CNTNAP2: variants seen among roughly 807,000 people sequenced by gnomAD.
CNTNAP2 encodes contactin-associated protein-like 2.
A neutral mutation model predicts 155.2 loss-of-function variants in CNTNAP2; 98 were observed. The observed-to-expected ratio is 0.63, with a 90% CI of 0.54 to 0.75. CNTNAP2 has a LOEUF of 0.75. Ranked by LOEUF, CNTNAP2 falls within the 30% of genes least tolerant of loss-of-function variation. The pLI, the probability that CNTNAP2 is intolerant of heterozygous loss-of-function variation, is 0.00. For synonymous variants in CNTNAP2, 651 were observed against 631.2 expected (o/e 1.03, Z -0.47); for missense variants, 1,727 against 1,688.1 (o/e 1.02, Z -0.40).
intron 10 of CNTNAP2, among the ~76,000 whole-genome samples, chr7:147,447,540 C>T (rs541434183): frequency 2.0e-5 from 3 of 152,196 alleles, no homozygotes; most frequent in Admixed American, 6.5e-5. Context: ...CTCAGCCTCC[C>T]CAAGTAGCTA....
At chr7:148,100,042 T>C (rs1804063674) in intron 15 of CNTNAP2, among the ~76,000 whole-genome samples, 1 of 151,958 alleles carries the variant, frequency 6.6e-6, no homozygotes, top group African/African-American at 2.4e-5. Flanking sequence ...TGGCTAATTT[T>C]TGTATTTTTA....
intron 10 of CNTNAP2, among the ~76,000 whole-genome samples, chr7:147,437,197 T>C (rs946378265): frequency 6.6e-6 from 1 of 152,046 alleles, no homozygotes; most frequent in Non-Finnish European, 1.5e-5. Context: ...ATCTAATTCC[T>C]ACATTTATGA....
chr7:147,571,257 C>T (rs1458612873), intron 12 of CNTNAP2, among the ~76,000 whole-genome samples: 1 of 139,912 alleles, frequency 7.1e-6, no homozygotes. Flanking sequence ...TCTCCTAATG[C>T]TATCCCTCCC....
intron 9 of CNTNAP2, among the ~76,000 whole-genome samples, chr7:147,306,048 A>G (rs941943063): frequency 6.6e-6 from 1 of 152,176 alleles, no homozygotes. Flanking sequence ...CATCCTAATC[A>G]TTATCACCTC....
intron 18 of CNTNAP2, among the ~76,000 whole-genome samples, chr7:148,175,497 T>C (rs1275005018): frequency 6.6e-6 from 1 of 152,174 alleles, no homozygotes; most frequent in Admixed American, 6.5e-5. Context: ...CTCAATACAT[T>C]TAACAATGCA....
intron 13 of CNTNAP2, among the ~76,000 whole-genome samples, chr7:147,741,297 T>G (rs1796951866): frequency 1.3e-5 from 2 of 152,322 alleles, no homozygotes; most frequent in South Asian, 4.1e-4. Flanking sequence ...TGTACTTGCC[T>G]GACCACAAAG....
chr7:146,477,624 A>AACACACACACACAC (rs1162610079), intron 1 of CNTNAP2, among the ~76,000 whole-genome samples: 2 of 131,676 alleles, frequency 1.5e-5, no homozygotes, highest in Admixed American at 7.9e-5. Flanking sequence ...TTCTTCAGCA[A>AACACACACACACAC]ACACACACAC....
At chr7:148,033,819 G>A (rs1802525411) in intron 15 of CNTNAP2, among the ~76,000 whole-genome samples, 1 of 152,088 alleles carries the variant, frequency 6.6e-6, no homozygotes, top group African/African-American at 2.4e-5. Context: ...ATGGTGGATT[G>A]CCCACATCTG....
Position 147,467,485 on chromosome 7 carries a change from G to A in CNTNAP2, c.1671-18450G>A, listed in dbSNP as rs138096168. On this transcript the variant is annotated intron_variant, in intron 10 of 23. Coordinates refer to ENST00000361727, the MANE Select transcript of CNTNAP2 (RefSeq NM_014141.6). ...CACTTATAAGTTAGAGCTAAATGAC[G>A]GGTACACATGGACACTCAGAGTGAA... is the stretch of plus-strand genomic sequence containing the variant. Among the ~76,000 whole-genome samples the A allele has an allele frequency of 4.4e-3, 664 of 152,150 alleles. 2 individuals carry two copies. The highest frequency in any genetic ancestry group is 0.015 in the African/African-American group (618 of 41,506).
chr7:148,237,170 C>T (rs1490167595), intron 20 of CNTNAP2, among the ~76,000 whole-genome samples: 1 of 152,122 alleles, frequency 6.6e-6, no homozygotes, highest in African/African-American at 2.4e-5. Flanking sequence ...CTTAAGATAC[C>T]AATGTATGTA....
At chr7:148,257,601 G>A (rs1796476615) in intron 20 of CNTNAP2, among the ~76,000 whole-genome samples, 1 of 152,176 alleles carries the variant, frequency 6.6e-6, no homozygotes, top group African/African-American at 2.4e-5. Flanking sequence ...TGTAGGTTGG[G>A]AGGGGGCTGG....
intron 1 of CNTNAP2, among the ~76,000 whole-genome samples, chr7:146,688,132 G>A (rs983045289): frequency 2.0e-5 from 3 of 152,144 alleles, no homozygotes; most frequent in Admixed American, 6.5e-5. Flanking sequence ...ATAGGCGTCT[G>A]TAGACACAAA....
chr7:148,283,287 G>GAAAGAAAA (rs1797014781), intron 21 of CNTNAP2, among the ~76,000 whole-genome samples: 1 of 84,248 alleles, frequency 1.2e-5, no homozygotes, highest in Admixed American at 1.0e-4. Flanking sequence ...AAGAAAGAAA[G>GAAAGAAAA]AAAGAAAGAA....
At chr7:147,662,920 G>GT (rs1350340995) in intron 13 of CNTNAP2, among the ~76,000 whole-genome samples, 1 of 152,294 alleles carries the variant, frequency 6.6e-6, no homozygotes, top group East Asian at 1.9e-4. Flanking sequence ...ACATACTTTA[G>GT]TTTGCAGAAA....
intron 2 of CNTNAP2, among the ~76,000 whole-genome samples, chr7:146,792,240 CATCTT>C (rs1420890435): frequency 6.6e-6 from 1 of 150,808 alleles, no homozygotes; most frequent in African/African-American, 2.5e-5. Context: ...TATTATATGA[CATCTT>C]ATATCAAAAA....
At chr7:146,729,021 C>A (rs1801480028) in intron 1 of CNTNAP2, among the ~76,000 whole-genome samples, 1 of 152,164 alleles carries the variant, frequency 6.6e-6, no homozygotes, top group Non-Finnish European at 1.5e-5. Context: ...CCATTCATTT[C>A]AACTATGAAA....
intron 13 of CNTNAP2, among the ~76,000 whole-genome samples, chr7:147,813,545 A>C (rs913701201): frequency 9.2e-5 from 14 of 152,130 alleles, no homozygotes; most frequent in Admixed American, 1.3e-4. Context: ...GATCACTCCT[A>C]CTGTTCTTGG....
intron 14 of CNTNAP2, among the ~76,000 whole-genome samples, chr7:147,930,766 A>G (rs1414639659): frequency 1.3e-5 from 2 of 152,192 alleles, no homozygotes; most frequent in African/African-American, 4.8e-5. Flanking sequence ...CACACACAGA[A>G]CATTCTCCAG....
intron 8 of CNTNAP2, among the ~76,000 whole-genome samples, chr7:147,238,258 G>A (rs746033968): frequency 2.0e-4 from 30 of 151,884 alleles, no homozygotes; most frequent in Non-Finnish European, 3.7e-4. Flanking sequence ...CTCGTGATCC[G>A]CCCACCTCGG....
Sources: allele counts gnomAD v4.1 joint callset (sites outside exome capture counted in the v4.1 genomes callset), GRCh38; gene constraint gnomAD v4.1.1; transcripts MANE v1.5; gene names NCBI Gene and HGNC (gene_info 2026-07-23, HGNC 2026-07-21).